The following SMCHD1 variants were observed in gnomAD, a reference collection of about 807,000 sequenced individuals.
SMCHD1 encodes the protein structural maintenance of chromosomes flexible hinge domain containing 1.
Under a neutral mutation model 254.7 loss-of-function variants are expected in SMCHD1, and 78 were observed. That is an observed-to-expected ratio of 0.31 (90% CI 0.26 to 0.37). The LOEUF (loss-of-function observed/expected upper bound fraction) is 0.37, where lower values mean the gene tolerates loss of function less well. Ranked by LOEUF, SMCHD1 falls within the 10% of genes least tolerant of loss-of-function variation. The pLI is 1.00. For synonymous variants in SMCHD1, 766 were observed against 794.9 expected (o/e 0.96, Z 0.61); for missense variants, 1,840 against 2,408.1 (o/e 0.76, Z 4.94).
At chr18:2,779,817 G>A (rs1378029662) in intron 44 of SMCHD1, among the ~76,000 whole-genome samples, 2 of 151,598 alleles carry the variant, frequency 1.3e-5, no homozygotes, top group Non-Finnish European at 2.9e-5. Context: ...GCAATATAAT[G>A]CGATTCTGTC....
chr18:2,722,076 T>C (rs560654324), intron 19 of SMCHD1, among the ~76,000 whole-genome samples: 2 of 152,354 alleles, frequency 1.3e-5, no homozygotes, highest in Non-Finnish European at 2.9e-5. Flanking sequence ...GCAAATATTT[T>C]CTCATGTCGA....
chr18:2,781,886 A>G (rs2076162588), intron 44 of SMCHD1, among the ~76,000 whole-genome samples: 1 of 152,210 alleles, frequency 6.6e-6, no homozygotes, highest in African/African-American at 2.4e-5. Flanking sequence ...GCATCTAACC[A>G]AAATGTAATC....
intron 24 of SMCHD1, among the ~76,000 whole-genome samples, 182 bp downstream of exon 24, chr18:2,729,591 C>T (rs1459010121): frequency 2.6e-5 from 4 of 151,980 alleles, no homozygotes; most frequent in African/African-American, 9.7e-5. Flanking sequence ...CATTTTGTGT[C>T]AAATATTAGT....
intron 21 of SMCHD1, among the ~76,000 whole-genome samples, chr18:2,726,241 C>T (rs62084253): frequency 6.6e-6 from 1 of 151,642 alleles, no homozygotes. Context: ...AATTCTCTTC[C>T]TTTCACTGTC....
chr18:2,784,735 C>A, intron 45 of SMCHD1, 114 bp downstream of exon 45: 1 of 1,169,378 alleles, frequency 8.6e-7, no homozygotes, highest in Non-Finnish European at 1.2e-6. Flanking sequence ...AAGTAAGTAA[C>A]AAATGTAAGT....
At chr18:2,673,076 A>G (rs1367841384) in intron 3 of SMCHD1, 8 of 985,274 alleles carry the variant, frequency 8.1e-6, no homozygotes, top group Middle Eastern at 5.2e-4. Context: ...ATAGTGCCAT[A>G]CAAGTACTGA....
chr18:2,658,933 TACACATATATATAC>T (rs1181181358), intron 1 of SMCHD1, among the ~76,000 whole-genome samples: 1 of 146,676 alleles, frequency 6.8e-6, no homozygotes, highest in Non-Finnish European at 1.5e-5. Context: ...TACACATATA[TACACATATATATAC>T]ACACACATAT....
At position 2,747,426 on chromosome 18, in the gene SMCHD1, G is replaced by A. The variant is rs2075476335; in HGVS notation, c.3802-96G>A. On this transcript the variant is annotated intron_variant, in intron 29 of 47. Transcript: ENST00000320876. ...AAAGAAGCCATTTGCAAATAGAACA[G>A]AGATAAATTAAGTGATCGTTACACA... The A allele has an allele frequency of 2.7e-6, 3 of 1,109,232 alleles. No homozygotes were observed. The East Asian group carries it at 8.3e-5, about 31-fold the overall frequency. 68.7% of individuals were successfully genotyped at this position (1,109,232 alleles called of 1,614,324 possible).
intron 5 of SMCHD1, among the ~76,000 whole-genome samples, chr18:2,682,041 C>T (rs1477317614): frequency 1.3e-5 from 2 of 152,160 alleles, no homozygotes; most frequent in African/African-American, 4.8e-5. Flanking sequence ...GTTGGGAATA[C>T]GTTTGTAACA....
At chr18:2,771,314 C>T (rs1417679204) in intron 39 of SMCHD1, among the ~76,000 whole-genome samples, 1 of 152,064 alleles carries the variant, frequency 6.6e-6, no homozygotes, top group African/African-American at 2.4e-5. Flanking sequence ...ATCATATCTC[C>T]CTTTAGTTGC....
At chr18:2,766,512 T>C (rs184829134) in intron 37 of SMCHD1, among the ~76,000 whole-genome samples, 263 of 152,342 alleles carry the variant, frequency 1.7e-3, no homozygotes, top group African/African-American at 5.8e-3. Context: ...GCCTCACATA[T>C]TGATTTAGTA....
At chr18:2,744,711 C>A (rs1174220837) in intron 29 of SMCHD1, among the ~76,000 whole-genome samples, 1 of 152,120 alleles carries the variant, frequency 6.6e-6, no homozygotes, top group Non-Finnish European at 1.5e-5. Context: ...TACAATAGAT[C>A]TTTTGAACTT....
Position 2,705,752 on chromosome 18 carries a change from A to T in SMCHD1, c.1901A>T (p.Tyr634Phe). 1 of 1,608,884 alleles carries T rather than the reference A, an allele frequency of 6.2e-7. No individual in the cohort carries two copies. Among genetic ancestry groups the T allele is most frequent in the Non-Finnish European group, 8.5e-7 (1 of 1,176,788 alleles). ...GGAAGCATAGTAAGATTTTTTCTTT[A>T]TGGCGATCATGATGGAGAAGTATAT... The part of the protein sequence containing the change: ...FYGSIVRFFL[Y>F]GDHDGEVYAT... The change falls in exon 14 of 48, where the codon TAT becomes TTT. Residue 634 changes from tyrosine (Y) to phenylalanine (F), a missense_variant. Coordinates refer to ENST00000320876, the MANE Select transcript of SMCHD1 (RefSeq NM_015295.3).
intron 1 of SMCHD1, among the ~76,000 whole-genome samples, chr18:2,658,329 A>G (rs1225519963): frequency 6.6e-6 from 1 of 152,212 alleles, no homozygotes; most frequent in African/African-American, 2.4e-5. Context: ...TTATTACAGA[A>G]GTATAAACAC....
At chr18:2,764,663 C>T (rs2075838554) in intron 37 of SMCHD1, among the ~76,000 whole-genome samples, 2 of 152,120 alleles carry the variant, frequency 1.3e-5, no homozygotes, top group South Asian at 4.1e-4. Context: ...AATACAACAA[C>T]TATTTTCATA....
At chr18:2,700,118 C>G (rs1485460655) in intron 10 of SMCHD1, among the ~76,000 whole-genome samples, 1 of 152,166 alleles carries the variant, frequency 6.6e-6, no homozygotes, top group East Asian at 1.9e-4. Flanking sequence ...ACTAGGTAAA[C>G]TCGCTGCTAT....
intron 5 of SMCHD1, among the ~76,000 whole-genome samples, chr18:2,681,056 A>G (rs1202528149): frequency 6.6e-6 from 1 of 152,146 alleles, no homozygotes; most frequent in Non-Finnish European, 1.5e-5. Context: ...GCTTGAGCCC[A>G]GGAATTTGAG....
chr18:2,673,058 C>G, intron 3 of SMCHD1: 1 of 985,328 alleles, frequency 1.0e-6, no homozygotes, highest in Non-Finnish European at 1.2e-6. Flanking sequence ...CTGGCTGACT[C>G]ATGCTGTATA....
intron 45 of SMCHD1, among the ~76,000 whole-genome samples, chr18:2,786,571 T>C (rs1327401173): frequency 6.6e-6 from 1 of 152,016 alleles, no homozygotes; most frequent in Admixed American, 6.5e-5. Flanking sequence ...GGGTGCCTGT[T>C]GTCCCAGCTA....
Sources: gnomAD v4.1 joint callset for allele counts (sites outside exome capture counted in the v4.1 genomes callset) on GRCh38, gnomAD v4.1.1 for gene constraint, MANE v1.5 for transcripts, NCBI Gene and HGNC (gene_info 2026-07-23, HGNC 2026-07-21) for gene names.